DPY19L1: variants seen among roughly 807,000 people sequenced by gnomAD.
The protein encoded by DPY19L1 is protein C-mannosyl-transferase DPY19L1.
Under a neutral mutation model 96.9 loss-of-function variants are expected in DPY19L1, and 35 were observed. That is an observed-to-expected ratio of 0.36 (90% CI 0.28 to 0.48). The LOEUF (loss-of-function observed/expected upper bound fraction) is 0.48, where lower values mean the gene tolerates loss of function less well. Ranked by LOEUF, DPY19L1 falls within the 20% of genes least tolerant of loss-of-function variation. The pLI is 0.99. For missense variants in DPY19L1, 521 were observed against 777.9 expected, an observed-to-expected ratio of 0.67 and a Z score of 3.93; for synonymous variants, 205 against 252.6, an observed-to-expected ratio of 0.81 and a Z score of 1.79.
rs1230291991 is a variant in DPY19L1 at position 34,944,364 on chromosome 7, T to TC, written c.1544+1302dup. Among the ~76,000 whole-genome samples, 3 of 20,806 alleles carry TC rather than the reference T, an allele frequency of 1.4e-4. No homozygotes were observed. In the East Asian group the frequency reaches 4.7e-3, roughly 33 times the overall value. The allele number at this position is 20,806 out of a possible 152,430, so 13.6% of individuals were successfully genotyped here. ...CTGGGTGACAGAGTGAGGCTCTGTC[T>TC]CAAAAAAAAAAAAAAAAAAAGAAAA... On this transcript the variant is annotated intron_variant, in intron 16 of 21. Coordinates refer to ENST00000638088, the MANE Select transcript of DPY19L1 (RefSeq NM_001366673.1).
intron 6 of DPY19L1, among the ~76,000 whole-genome samples, chr7:34,992,723 T>C (rs1033316322): frequency 9.2e-5 from 14 of 152,070 alleles, no homozygotes; most frequent in African/African-American, 3.1e-4. Context: ...ATAACCCCTG[T>C]TAAAGATTAA....
chr7:34,958,466 T>C (rs1784424756), intron 10 of DPY19L1, among the ~76,000 whole-genome samples: 1 of 152,230 alleles, frequency 6.6e-6, no homozygotes, highest in Admixed American at 6.5e-5. Flanking sequence ...TTTATTTAAC[T>C]AGTCCTCCGA....
intron 7 of DPY19L1, among the ~76,000 whole-genome samples, chr7:34,979,881 G>A (rs921281485): frequency 2.0e-5 from 3 of 152,092 alleles, no homozygotes; most frequent in African/African-American, 7.2e-5. Flanking sequence ...AGTTGTGTAT[G>A]TGTTGAAAGA....
chr7:35,010,074 A>T (rs1433481918), intron 6 of DPY19L1, among the ~76,000 whole-genome samples: 1 of 152,006 alleles, frequency 6.6e-6, no homozygotes, highest in Non-Finnish European at 1.5e-5. Flanking sequence ...CAAAAAATAC[A>T]AAAAAATTAG....
At chr7:34,932,608 C>G (rs767268190) in intron 21 of DPY19L1, among the ~76,000 whole-genome samples, 1 of 152,152 alleles carries the variant, frequency 6.6e-6, no homozygotes, top group Non-Finnish European at 1.5e-5. Flanking sequence ...TAAAGAAATT[C>G]TGGTAGTGTT....
chr7:34,939,092 C>T, intron 20 of DPY19L1, 184 bp downstream of exon 20: 2 of 501,518 alleles, frequency 4.0e-6, no homozygotes, highest in Non-Finnish European at 6.8e-6. Context: ...CTTTCCTGCC[C>T]TGTGAAGCTT....
At chr7:34,974,614 C>G (rs1047888621) in intron 7 of DPY19L1, among the ~76,000 whole-genome samples, 2 of 152,148 alleles carry the variant, frequency 1.3e-5, no homozygotes, top group African/African-American at 4.8e-5. Context: ...ATAATGTATA[C>G]TGTTGTTACT....
intron 7 of DPY19L1, among the ~76,000 whole-genome samples, chr7:34,977,272 T>A (rs1784850250): frequency 6.6e-6 from 1 of 152,192 alleles, no homozygotes; most frequent in African/African-American, 2.4e-5. Flanking sequence ...TCAGTCTCTG[T>A]ACAAAAACAA....
chr7:34,983,820 G>C (rs1784991803), intron 7 of DPY19L1, among the ~76,000 whole-genome samples: 1 of 152,062 alleles, frequency 6.6e-6, no homozygotes, highest in Non-Finnish European at 1.5e-5. Context: ...GAAGATCTTG[G>C]CTAGAAATTT....
Position 34,958,319 on chromosome 7 carries a change from A to G in DPY19L1, c.1093-249T>C, listed in dbSNP as rs540384118. 4.6e-5 allele frequency among the ~76,000 whole-genome samples: 7 copies of G among 152,306 alleles called. No individual in the cohort carries two copies. The East Asian group carries it at 1.3e-3, about 29-fold the overall frequency. On this transcript the variant is annotated intron_variant, in intron 10 of 21. Coordinates refer to ENST00000638088, the MANE Select transcript of DPY19L1 (RefSeq NM_001366673.1). ...ATATTTTGTAAAACCACAAATGGACACTTACCCCACAAGCTGTACTATTTC... is the reference window on the plus strand; with the variant it reads ...ATATTTTGTAAAACCACAAATGGACGCTTACCCCACAAGCTGTACTATTTC...
intron 6 of DPY19L1, among the ~76,000 whole-genome samples, chr7:34,998,364 T>C (rs1358068053): frequency 1.3e-5 from 2 of 152,158 alleles, no homozygotes; most frequent in South Asian, 2.1e-4. Flanking sequence ...GCAGCCCCCA[T>C]TAAATGTAGA....
chr7:34,941,188 G>A (rs937264588), intron 18 of DPY19L1, among the ~76,000 whole-genome samples: 3 of 152,098 alleles, frequency 2.0e-5, no homozygotes, highest in African/African-American at 7.2e-5. Flanking sequence ...TCTAAGGGAG[G>A]TGCTGCTGTT....
chr7:34,936,572 T>A (rs1249980860), intron 21 of DPY19L1, among the ~76,000 whole-genome samples: 2 of 152,232 alleles, frequency 1.3e-5, no homozygotes, highest in Non-Finnish European at 2.9e-5. Context: ...TCATTTCATA[T>A]AATTTCCTAA....
intron 13 of DPY19L1, among the ~76,000 whole-genome samples, chr7:34,952,347 G>C (rs1181762278): frequency 2.6e-5 from 4 of 152,028 alleles, no homozygotes; most frequent in African/African-American, 9.7e-5. Context: ...AACTACCAAA[G>C]TTCACTCCAG....
chr7:35,023,765 T>TGGGCATTTA (rs577916386), intron 1 of DPY19L1, among the ~76,000 whole-genome samples: 1,547 of 152,100 alleles, frequency 0.01, 13 homozygotes, highest in Non-Finnish European at 0.016. Context: ...TTCTCTATGC[T>TGGGCATTTA]GGGCATTTAA....
intron 12 of DPY19L1, 79 bp from the exon 13 acceptor site, chr7:34,954,857 T>C (rs577658017): frequency 1.6e-6 from 1 of 628,524 alleles, no homozygotes; most frequent in East Asian, 2.9e-5. Context: ...ATAAATGCTT[T>C]AATCATACAT....
chr7:34,938,058 C>G lies in DPY19L1; in HGVS notation c.2026G>C (p.Glu676Gln). ...TAGTTCACTTTTAACTTTATCAGTT[C>G]TCGCTTCACTTCTTCGGCTGCTTTC... Reference protein sequence around the residue: ...SRKAAEEVKRELIKLKVNYYI... With the variant: ...SRKAAEEVKRQLIKLKVNYYI... Residue 676 changes from glutamate (E) to glutamine (Q), a missense_variant, in exon 21 of 22, where the codon GAA becomes CAA. Transcript: ENST00000638088. The G allele has an allele frequency of 6.2e-7, 1 of 1,613,988 alleles. No individual in the cohort carries two copies. The highest frequency in any genetic ancestry group is 8.5e-7 in the Non-Finnish European group (1 of 1,179,966).
intron 7 of DPY19L1, among the ~76,000 whole-genome samples, chr7:34,988,625 A>T (rs558033006): frequency 6.6e-6 from 1 of 152,244 alleles, no homozygotes; most frequent in African/African-American, 2.4e-5. Flanking sequence ...TTACTGTTAT[A>T]GCACATGTTA....
intron 16 of DPY19L1, 35 bp from the exon 17 acceptor site, chr7:34,942,674 T>A: frequency 6.4e-7 from 1 of 1,565,002 alleles, no homozygotes; most frequent in Non-Finnish European, 8.7e-7. Flanking sequence ...CATCAATTCA[T>A]TATTGAAGCA....
Sources: allele counts gnomAD v4.1 joint callset (sites outside exome capture counted in the v4.1 genomes callset), GRCh38; gene constraint gnomAD v4.1.1; transcripts MANE v1.5; gene names NCBI Gene and HGNC (gene_info 2026-07-23, HGNC 2026-07-21).